Variants in UNC119B observed in about 807,000 individuals in gnomAD.
The protein encoded by UNC119B is protein unc-119 homolog B.
A neutral mutation model predicts 23.4 loss-of-function variants in UNC119B; 16 were observed. The observed-to-expected ratio is 0.68, with a 90% CI of 0.46 to 1.04. The LOEUF is 1.04. UNC119B is among the 50% of genes least tolerant of loss of function. The pLI, the probability that UNC119B is intolerant of heterozygous loss-of-function variation, is 0.00. For synonymous variants in UNC119B, 144 were observed against 145.4 expected (o/e 0.99, Z 0.07); for missense variants, 350 against 361.3 (o/e 0.97, Z 0.25).
At chr12:120,718,189 C>T (rs1477557682) in intron 4 of UNC119B, among the ~76,000 whole-genome samples, 1 of 152,048 alleles carries the variant, frequency 6.6e-6, no homozygotes, top group African/African-American at 2.4e-5. Flanking sequence ...TTTAATAATA[C>T]AGGCCATCCT....
Position 120,710,609 on chromosome 12 carries a change from C to A in UNC119B, c.135C>A (p.Pro45=). Residue 45 remains proline (P), a synonymous_variant, in exon 1 of 5, where the codon CCC becomes CCA. Coordinates refer to ENST00000344651, the MANE Select transcript of UNC119B (RefSeq NM_001080533.3). ...LNRLKARRQA[P]HHAADDGVGA... is the part of the protein sequence containing the mutation. ...GCCTGAAGGCGCGGCGGCAGGCGCC[C>A]CACCACGCGGCCGACGACGGCGTCG... is the stretch of plus-strand genomic sequence containing the variant. 7.0e-7 allele frequency: 1 copy of A among 1,438,798 alleles called. No individual in the cohort carries two copies. The allele number at this position is 1,438,798 out of a possible 1,614,324, so 89.1% of individuals were successfully genotyped here. A position where few individuals can be genotyped will look rare whatever the true frequency, so the allele number is the denominator to read the frequency against.
In UNC119B at chr12:120,722,075, G is replaced by A. The variant is rs1882921374; in HGVS notation, c.*2043G>A. ...CTGGAGCTGCCCAGAGCTGTGCTTA[G>A]TAGAGTGTGTCTTGGAAACATGCCC... On this transcript the variant is annotated 3_prime_UTR_variant, in exon 5 of 5. Coordinates refer to ENST00000344651, the MANE Select transcript of UNC119B (RefSeq NM_001080533.3). 6.6e-6 allele frequency: 1 copy of A among 152,288 alleles called. No individual in the cohort carries two copies. Among genetic ancestry groups the A allele is most frequent in the South Asian group, 2.1e-4 (1 of 4,822 alleles). The allele number at this position is 152,288 out of a possible 1,614,324, so 9.4% of individuals were successfully genotyped here. A position where few individuals can be genotyped will look rare whatever the true frequency, so the allele number is the denominator to read the frequency against.
At position 120,716,682 on chromosome 12, in the gene UNC119B, G is replaced by C; in HGVS notation, c.413G>C (p.Arg138Pro). The change falls in exon 3 of 5, where the codon CGT (arginine) becomes CCT (proline). Residue 138 changes from arginine (R) to proline (P), a missense_variant. Coordinates refer to ENST00000344651, the MANE Select transcript of UNC119B (RefSeq NM_001080533.3). ...GGGDVDISAG[R>P]FVRYQFTPAF... Reference sequence around the variant, plus strand: ...GGAGACGTGGACATCAGCGCAGGACGTTTTGTCCGCTATCAGTTCACACCG... The same window carrying C: ...GGAGACGTGGACATCAGCGCAGGACCTTTTGTCCGCTATCAGTTCACACCG... 6.2e-7 allele frequency: 1 copy of C among 1,614,194 alleles called. No homozygotes were observed.
rs1020111655 is a variant in UNC119B, at chr12:120,721,097, A to G, written c.*1065A>G. On this transcript the variant is annotated 3_prime_UTR_variant, in exon 5 of 5. Coordinates refer to ENST00000344651, the MANE Select transcript of UNC119B (RefSeq NM_001080533.3). ...GATTTGCCTCCGAAGCTCTTTGTAC[A>G]TTTCTTGTTTAGGAGGGTTTTCCTA... is the stretch of plus-strand genomic sequence containing the variant. 6.6e-6 allele frequency: 1 copy of G among 152,128 alleles called. No individual in the cohort carries two copies. Among genetic ancestry groups the G allele is most frequent in the Non-Finnish European group, 1.5e-5 (1 of 68,018 alleles). The allele number at this position is 152,128 out of a possible 1,614,324, so 9.4% of individuals were successfully genotyped here.
intron 1 of UNC119B, among the ~76,000 whole-genome samples, chr12:120,712,321 G>C (rs1882687026): frequency 2.0e-5 from 3 of 152,204 alleles, no homozygotes; most frequent in Admixed American, 1.3e-4. Context: ...ATCAGTAGTT[G>C]TCAAGTTTGT....
rs1442119979 is a variant in UNC119B, at chr12:120,710,524, C to G, written c.50C>G (p.Pro17Arg). ...GCGGCCGCGGCGTCGGCGGCTGGGC[C>G]CGGGGGGCTGGTGGCTGGCAAGGAG... ...KAAAAASAAG[P>R]GGLVAGKEEK... Residue 17 changes from proline (P) to arginine (R), a missense_variant, in exon 1 of 5, where the codon CCC becomes CGC. Coordinates refer to ENST00000344651, the MANE Select transcript of UNC119B (RefSeq NM_001080533.3). 2 of 1,370,056 alleles carry G rather than the reference C, an allele frequency of 1.5e-6. No individual in the cohort carries two copies. The highest frequency in any genetic ancestry group is 2.6e-4 in the Middle Eastern group (1 of 3,806). The allele number at this position is 1,370,056 out of a possible 1,614,324, so 84.9% of individuals were successfully genotyped here.
Position 120,718,579 on chromosome 12 carries a change from C to T in UNC119B, c.644-1341C>T, listed in dbSNP as rs536640123. Among the ~76,000 whole-genome samples the T allele has an allele frequency of 1.6e-3, 239 of 152,232 alleles. 3 individuals are homozygous for T. Among genetic ancestry groups the T allele is most frequent in the Admixed American group, 3.9e-3 (59 of 15,276 alleles). On this transcript the variant is annotated intron_variant, in intron 4 of 4. Transcript: ENST00000344651. ...GGCACCAGAGGGAGAAGGCTGCTGC[C>T]GTGTAGCCTCGGCAAGGGAAGATGG...
intron 1 of UNC119B, among the ~76,000 whole-genome samples, chr12:120,712,679 C>T (rs1202372041): frequency 2.6e-5 from 4 of 152,192 alleles, no homozygotes; most frequent in Admixed American, 2.6e-4. Flanking sequence ...ATTCATATTT[C>T]AGTGTCCATA....
intron 1 of UNC119B, among the ~76,000 whole-genome samples, chr12:120,712,952 G>C (rs75810093): frequency 6.6e-6 from 1 of 152,216 alleles, no homozygotes; most frequent in African/African-American, 2.4e-5. Flanking sequence ...TCTATAAAAA[G>C]TTCGCCCTGT....
rs374168774 is a variant in UNC119B, at chr12:120,713,236, A to T, written c.245-38A>T. 11 of 1,452,860 alleles carry T rather than the reference A, an allele frequency of 7.6e-6. No homozygotes were observed. The African/African-American group carries it at 1.5e-4, about 19-fold the overall frequency. 90.0% of individuals were successfully genotyped at this position (1,452,860 alleles called of 1,614,324 possible). On this transcript the variant is annotated intron_variant, in intron 1 of 4. Coordinates refer to ENST00000344651, the MANE Select transcript of UNC119B (RefSeq NM_001080533.3). ...ATTAAATAAATGGTAGTTTTGGAGG[A>T]TTATTTAACAGTGTTGGTTTCTCTC...
At position 120,720,740 on chromosome 12, in the gene UNC119B, C is replaced by G. The variant is rs552617415; in HGVS notation, c.*708C>G. On this transcript the variant is annotated 3_prime_UTR_variant, in exon 5 of 5. Transcript: ENST00000344651. ...TTCTGTTCCCATTTTGGAGGACAGA[C>G]AAGCTTGCTCCACATCTCCTGGCTC... is the stretch of plus-strand genomic sequence containing the variant. The G allele has an allele frequency of 6.6e-6, 1 of 152,318 alleles. No homozygotes were observed. The highest frequency in any genetic ancestry group is 6.5e-5 in the Admixed American group (1 of 15,286). The allele number at this position is 152,318 out of a possible 1,614,324, so 9.4% of individuals were successfully genotyped here.
chr12:120,710,550 G>A lies in UNC119B; in HGVS notation c.76G>A (p.Glu26Lys), dbSNP rs766711611. The A allele has an allele frequency of 3.9e-5, 54 of 1,393,160 alleles. No individual in the cohort carries two copies. Among genetic ancestry groups the A allele is most frequent in the Middle Eastern group, 5.1e-4 (2 of 3,932 alleles). 86.3% of individuals were successfully genotyped at this position (1,393,160 alleles called of 1,614,324 possible). ...GPGGLVAGKE[E>K]KKKAGGGVLN... ...CGGGGGGCTGGTGGCTGGCAAGGAGGAGAAGAAGAAGGCGGGCGGCGGCGT... is the reference window on the plus strand; with the variant it reads ...CGGGGGGCTGGTGGCTGGCAAGGAGAAGAAGAAGAAGGCGGGCGGCGGCGT... Residue 26 changes from glutamate (E) to lysine (K), a missense_variant, in exon 1 of 5, where the codon GAG becomes AAG. By Grantham distance (56) the Glu-to-Lys change is moderately conservative (BLOSUM62 1). Transcript: ENST00000344651.
In UNC119B at chr12:120,720,359, G is replaced by A; in HGVS notation, c.*327G>A. The A allele has an allele frequency of 8.9e-6, 2 of 223,634 alleles. No homozygotes were observed. The highest frequency in any genetic ancestry group is 1.3e-4 in the East Asian group (1 of 7,784). 13.9% of individuals were successfully genotyped at this position (223,634 alleles called of 1,614,324 possible). On this transcript the variant is annotated 3_prime_UTR_variant, in exon 5 of 5. Coordinates refer to ENST00000344651, the MANE Select transcript of UNC119B (RefSeq NM_001080533.3). ...GCCTGTTGGTTGTCTTGACGACCAG[G>A]CATAGCTGTGCCTGGTGAGAAGGCT...
In UNC119B at chr12:120,722,206, G is replaced by C. The variant is rs975989994; in HGVS notation, c.*2174G>C. ...AAGGAGGAGGTGGGCAATCTGGCTT[G>C]AGTTGTGCTGTATCCTCTTCCTTGT... On this transcript the variant is annotated 3_prime_UTR_variant, in exon 5 of 5. Coordinates refer to ENST00000344651, the MANE Select transcript of UNC119B (RefSeq NM_001080533.3). The C allele has an allele frequency of 2.0e-5, 3 of 152,386 alleles. No individual in the cohort carries two copies. Among genetic ancestry groups the C allele is most frequent in the Non-Finnish European group, 2.9e-5 (2 of 68,154 alleles). The allele number at this position is 152,386 out of a possible 1,614,324, so 9.4% of individuals were successfully genotyped here. A position where few individuals can be genotyped will look rare whatever the true frequency, so the allele number is the denominator to read the frequency against.
chr12:120,713,377 T>C lies in UNC119B; in HGVS notation c.348T>C (p.Pro116=). Reference sequence around the variant, plus strand: ...CAGTACTTTTTGAGATTGCCAAACCTTGCGTTTCAGGTAGGCCTCTACGTT... The same window carrying C: ...CAGTACTTTTTGAGATTGCCAAACCCTGCGTTTCAGGTAGGCCTCTACGTT... The part of the protein sequence containing the change: ...TGTVLFEIAK[P]CVSDQEEDEE... Residue 116 remains proline (P), a synonymous_variant, in exon 2 of 5, where the codon CCT becomes CCC. Transcript: ENST00000344651. 6.2e-7 allele frequency: 1 copy of C among 1,613,770 alleles called. No individual in the cohort carries two copies.
intron 1 of UNC119B, among the ~76,000 whole-genome samples, chr12:120,712,878 A>G (rs1214107625): frequency 6.6e-6 from 1 of 152,238 alleles, no homozygotes; most frequent in East Asian, 1.9e-4. Context: ...CAGTTGGCAA[A>G]CTAACGTTGG....
rs781389340 is a variant in UNC119B, at chr12:120,710,583, C to A, written c.109C>A (p.Arg37Ser). 4.9e-6 allele frequency: 7 copies of A among 1,421,838 alleles called. No homozygotes were observed. Among genetic ancestry groups the A allele is most frequent in the Non-Finnish European group, 6.4e-6 (7 of 1,093,454 alleles). 88.1% of individuals were successfully genotyped at this position (1,421,838 alleles called of 1,614,324 possible). ...KKKAGGGVLN[R>S]LKARRQAPHH... The stretch of plus-strand genomic sequence containing the variant: ...GAAGGCGGGCGGCGGCGTCCTGAAC[C>A]GCCTGAAGGCGCGGCGGCAGGCGCC... The change falls in exon 1 of 5, where the codon CGC becomes AGC. Residue 37 changes from arginine (R) to serine (S), a missense_variant. Physicochemically the swap from Arg to Ser is moderately radical, Grantham distance 110 (BLOSUM62 -1). Transcript: ENST00000344651.
chr12:120,715,289 T>G (rs1452215697), intron 2 of UNC119B, among the ~76,000 whole-genome samples: 4 of 152,360 alleles, frequency 2.6e-5, no homozygotes, highest in East Asian at 3.9e-4. Flanking sequence ...CAAGATTTGC[T>G]GTCTCTCTGA....
chr12:120,718,910 C>G (rs993589195), intron 4 of UNC119B, among the ~76,000 whole-genome samples: 1 of 152,212 alleles, frequency 6.6e-6, no homozygotes, highest in Admixed American at 6.5e-5. Flanking sequence ...ACGACAGCAT[C>G]TGGTTCTGAC....
Sources: gnomAD v4.1 joint callset for allele counts (sites outside exome capture counted in the v4.1 genomes callset) on GRCh38, gnomAD v4.1.1 for gene constraint, MANE v1.5 for transcripts, NCBI Gene and HGNC (gene_info 2026-07-23, HGNC 2026-07-21) for gene names.